Variants in ATXN8OS observed in about 807,000 individuals in gnomAD.
The protein encoded by ATXN8OS is ATXN8 opposite strand (non-protein coding).
chr13:70,149,450 T>G (rs761823601), intron 4 of ATXN8OS, among the ~76,000 whole-genome samples: 8 of 152,134 alleles, frequency 5.3e-5, no homozygotes, highest in Non-Finnish European at 1.0e-4. Flanking sequence ...TTTAGTGAGG[T>G]GTTAACAGAA....
chr13:70,166,794 A>AG (rs1371683893), intron 4 of ATXN8OS, among the ~76,000 whole-genome samples: 1 of 152,134 alleles, frequency 6.6e-6, no homozygotes, highest in Non-Finnish European at 1.5e-5. Context: ...AATATCCAGA[A>AG]TCTACAATGA....
chr13:70,122,016 TTTTA>T (rs1350612946), intron 2 of ATXN8OS, among the ~76,000 whole-genome samples: 8 of 152,102 alleles, frequency 5.3e-5, no homozygotes, highest in East Asian at 1.9e-4. Flanking sequence ...TGTGCACATT[TTTTA>T]TTTGTGTCTT....
At chr13:70,145,282 C>G (rs1001174278) in intron 3 of ATXN8OS, among the ~76,000 whole-genome samples, 1 of 151,982 alleles carries the variant, frequency 6.6e-6, no homozygotes. Flanking sequence ...AGTCAGGTAG[C>G]GTGATGACTC....
Position 70,151,225 on chromosome 13 carries a change from T to C in ATXN8OS, n.573+3797T>C, listed in dbSNP as rs573902613. Among the ~76,000 whole-genome samples the C allele has an allele frequency of 1.5e-4, 23 of 152,272 alleles. No individual in the cohort carries two copies. In the East Asian group the frequency reaches 3.9e-3, roughly 26 times the overall value. On this transcript the variant is annotated intron_variant and non_coding_transcript_variant, in intron 4 of 4. Transcript: ENST00000678624. ...GTATTATTAACTTACAGACACCATG[T>C]TGAACAGCAGATCTCCAGAAATTAT...
intron 3 of ATXN8OS, chr13:70,131,675 C>T: frequency 2.5e-6 from 1 of 395,092 alleles, no homozygotes; most frequent in Admixed American, 4.4e-5. Context: ...TCTGGCCAAC[C>T]CAGACTAGAT....
At chr13:70,147,718 A>C (rs2137496882) in intron 4 of ATXN8OS, among the ~76,000 whole-genome samples, 1 of 152,222 alleles carries the variant, frequency 6.6e-6, no homozygotes, top group African/African-American at 2.4e-5. Flanking sequence ...GTCTCTACCA[A>C]GTTAGAGGTT....
intron 4 of ATXN8OS, among the ~76,000 whole-genome samples, chr13:70,162,848 T>C (rs1889026831): frequency 6.6e-6 from 1 of 152,002 alleles, no homozygotes; most frequent in Admixed American, 6.6e-5. Flanking sequence ...ATTACACTAA[T>C]TTTTTAGATC....
intron 3 of ATXN8OS, chr13:70,131,214 T>C: frequency 2.6e-6 from 1 of 389,354 alleles, no homozygotes; most frequent in Non-Finnish European, 4.5e-6. Context: ...AATGTGTACA[T>C]GTATACATCC....
At chr13:70,138,811 C>G (rs9542184) in intron 3 of ATXN8OS, among the ~76,000 whole-genome samples, 1 of 151,786 alleles carries the variant, frequency 6.6e-6, no homozygotes, top group African/African-American at 2.4e-5. Flanking sequence ...TGTAAAAATT[C>G]ATAATGAAGT....
intron 4 of ATXN8OS, among the ~76,000 whole-genome samples, chr13:70,163,136 C>G (rs977360335): frequency 6.6e-6 from 1 of 152,016 alleles, no homozygotes; most frequent in Non-Finnish European, 1.5e-5. Flanking sequence ...TATGACAAAT[C>G]CTGATAGTAA....
At chr13:70,161,257 A>G (rs557949892) in intron 4 of ATXN8OS, among the ~76,000 whole-genome samples, 34 of 152,238 alleles carry the variant, frequency 2.2e-4, no homozygotes, top group African/African-American at 7.9e-4. Context: ...CAAATATACT[A>G]AAGAGTAAAC....
In ATXN8OS at chr13:70,139,371, A is replaced by ACTGCTG. The variant is rs1566606466; in HGVS notation, n.500-7982_500-7981insGCTGCT. On this transcript the variant is annotated intron_variant and non_coding_transcript_variant, in intron 3 of 4. Coordinates refer to ENST00000678624, the Ensembl canonical transcript of ATXN8OS. ...TGGCTTTACTACTACTACTACTACT[A>ACTGCTG]CTACTACTACTACTGCTGCTGCTGC... The ACTGCTG allele has an allele frequency of 1.9e-5, 12 of 643,198 alleles. 1 individual carries two copies. In the East Asian group the frequency reaches 2.4e-4, roughly 13 times the overall value. 39.8% of individuals were successfully genotyped at this position (643,198 alleles called of 1,614,324 possible). A position where few individuals can be genotyped will look rare whatever the true frequency, so the allele number is the denominator to read the frequency against.
At chr13:70,157,505 T>A (rs80064916) in intron 4 of ATXN8OS, among the ~76,000 whole-genome samples, 6 of 43,410 alleles carry the variant, frequency 1.4e-4, no homozygotes, top group Non-Finnish European at 6.7e-4. Flanking sequence ...CTCACATGAC[T>A]AAGATATCCA....
chr13:70,154,870 T>C (rs1165035987), intron 4 of ATXN8OS, among the ~76,000 whole-genome samples: 1 of 152,204 alleles, frequency 6.6e-6, no homozygotes, highest in Non-Finnish European at 1.5e-5. Context: ...TAGCGAAGGT[T>C]ATAGGATAAG....
At chr13:70,144,966 G>A (rs149500285) in intron 3 of ATXN8OS, among the ~76,000 whole-genome samples, 1 of 152,190 alleles carries the variant, frequency 6.6e-6, no homozygotes, top group Non-Finnish European at 1.5e-5. Flanking sequence ...GTCACACCTT[G>A]CCTAAAAAGT....
At chr13:70,122,204 T>C (rs999599693) in intron 2 of ATXN8OS, among the ~76,000 whole-genome samples, 2 of 151,780 alleles carry the variant, frequency 1.3e-5, no homozygotes, top group African/African-American at 2.4e-5. Flanking sequence ...GTCCCAGAAA[T>C]TGTACCTGGG....
At chr13:70,115,744 G>A (rs2137471239) in intron 2 of ATXN8OS, among the ~76,000 whole-genome samples, 1 of 152,230 alleles carries the variant, frequency 6.6e-6, no homozygotes, top group African/African-American at 2.4e-5. Flanking sequence ...TATAGTGGAG[G>A]AGAGGTCAGG....
At chr13:70,111,384 G>A (rs1249832778) in intron 1 of ATXN8OS, among the ~76,000 whole-genome samples, 1 of 152,192 alleles carries the variant, frequency 6.6e-6, no homozygotes, top group African/African-American at 2.4e-5. Context: ...TGCATCTGGT[G>A]AAGGTCTTCT....
At chr13:70,121,302 T>C (rs1888357237) in intron 2 of ATXN8OS, among the ~76,000 whole-genome samples, 1 of 152,052 alleles carries the variant, frequency 6.6e-6, no homozygotes, top group Non-Finnish European at 1.5e-5. Context: ...CAAAGGAACA[T>C]AAAGATCACT....
Sources: allele counts gnomAD v4.1 joint callset (sites outside exome capture counted in the v4.1 genomes callset), GRCh38; gene constraint gnomAD v4.1.1; transcripts MANE v1.5; gene names NCBI Gene and HGNC (gene_info 2026-07-23, HGNC 2026-07-21).